The following ADGRL3 variants were observed in gnomAD, a reference collection of about 807,000 sequenced individuals.
ADGRL3 encodes adhesion G protein-coupled receptor L3.
A neutral mutation model predicts 153.5 loss-of-function variants in ADGRL3; 62 were observed. That is an observed-to-expected ratio of 0.40 (90% confidence interval 0.33 to 0.50). The LOEUF is 0.50. Among genes scored for constraint, ADGRL3 ranks in the 20% least tolerant of loss-of-function variants. The probability of loss-of-function intolerance (pLI) is 0.47; values close to 1 mark genes in which losing one functional copy is unlikely to be tolerated. For missense variants in ADGRL3, 1,641 were observed against 1,859.4 expected, an observed-to-expected ratio of 0.88 and a Z score of 2.16; for synonymous variants, 710 against 672.5, an observed-to-expected ratio of 1.06 and a Z score of -0.86.
At chr4:61,540,339 A>G (rs2148617756) in intron 4 of ADGRL3, among the ~76,000 whole-genome samples, 1 of 152,300 alleles carries the variant, frequency 6.6e-6, no homozygotes, top group South Asian at 2.1e-4. Context: ...ACTTGAGGTC[A>G]GGAGTTCAAC....
At chr4:61,309,356 A>G (rs1369848991) in intron 1 of ADGRL3, among the ~76,000 whole-genome samples, 1 of 152,136 alleles carries the variant, frequency 6.6e-6, no homozygotes, top group East Asian at 1.9e-4. Flanking sequence ...TCCCTCTATC[A>G]AGCCTCTACA....
chr4:61,350,592 T>A (rs1229514899), intron 1 of ADGRL3, among the ~76,000 whole-genome samples: 2 of 152,138 alleles, frequency 1.3e-5, no homozygotes, highest in Admixed American at 6.6e-5. Flanking sequence ...GTGCCATCTT[T>A]CCAGTGGCAT....
intron 2 of ADGRL3, among the ~76,000 whole-genome samples, chr4:61,383,519 G>A (rs1255743274): frequency 2.0e-5 from 3 of 151,566 alleles, no homozygotes; most frequent in Admixed American, 1.3e-4. Context: ...AGAAAGGCAC[G>A]TATGTTTTAT....
At chr4:61,461,830 A>G (rs2097823211) in intron 2 of ADGRL3, among the ~76,000 whole-genome samples, 1 of 152,176 alleles carries the variant, frequency 6.6e-6, no homozygotes, top group Admixed American at 6.5e-5. Flanking sequence ...CCAAGATTAC[A>G]GCCAGTTTCA....
At chr4:62,017,416 T>A (rs2151329015) in intron 21 of ADGRL3, among the ~76,000 whole-genome samples, 1 of 151,628 alleles carries the variant, frequency 6.6e-6, no homozygotes, top group East Asian at 1.9e-4. Flanking sequence ...AGTTCATAAA[T>A]AGTTTTTTTT....
intron 3 of ADGRL3, among the ~76,000 whole-genome samples, chr4:61,500,064 A>AGAGAGAGAGAGAGAGAGAG (rs58067932): frequency 6.8e-5 from 10 of 147,160 alleles, no homozygotes; most frequent in Non-Finnish European, 1.1e-4. Context: ...AGAGAGAGAG[A>AGAGAGAGAGAGAGAGAGAG]ATATCTCCAA....
intron 1 of ADGRL3, among the ~76,000 whole-genome samples, chr4:61,370,964 G>C (rs1445664947): frequency 1.3e-5 from 2 of 150,730 alleles, no homozygotes; most frequent in Non-Finnish European, 3.0e-5. Context: ...TTGTTGAATT[G>C]ATCCCTTTAC....
At chr4:61,497,033 A>AT in intron 2 of ADGRL3, 88 bp from the exon 3 acceptor site, 1 of 407,800 alleles carries the variant, frequency 2.5e-6, no homozygotes, top group Non-Finnish European at 4.3e-6. Context: ...GGATATTAAC[A>AT]TGATGGCAAT....
intron 8 of ADGRL3, among the ~76,000 whole-genome samples, chr4:61,750,011 T>A (rs2096731914): frequency 6.6e-6 from 1 of 152,086 alleles, no homozygotes; most frequent in Non-Finnish European, 1.5e-5. Context: ...ATTCTTTTTT[T>A]ATTCCTTTCT....
intron 9 of ADGRL3, among the ~76,000 whole-genome samples, chr4:61,872,072 G>A (rs1454810964): frequency 6.6e-6 from 1 of 152,086 alleles, no homozygotes; most frequent in Non-Finnish European, 1.5e-5. Context: ...TATAATTCTA[G>A]CTTCTAGAAA....
chr4:61,229,993 A>G (rs779491450), intron 1 of ADGRL3, among the ~76,000 whole-genome samples: 1 of 152,142 alleles, frequency 6.6e-6, no homozygotes, highest in African/African-American at 2.4e-5. Context: ...TTATTTCAGT[A>G]TCTGATTTTT....
intron 1 of ADGRL3, among the ~76,000 whole-genome samples, chr4:61,245,024 A>G (rs1003138448): frequency 6.6e-6 from 1 of 152,056 alleles, no homozygotes; most frequent in African/African-American, 2.4e-5. Context: ...TACTGGCATG[A>G]AGAACGGGGC....
chr4:61,232,948 C>A (rs965620519), intron 1 of ADGRL3, among the ~76,000 whole-genome samples: 1 of 152,140 alleles, frequency 6.6e-6, no homozygotes, highest in African/African-American at 2.4e-5. Context: ...AGTTTTCTTG[C>A]CTCCATGCCA....
intron 8 of ADGRL3, among the ~76,000 whole-genome samples, chr4:61,796,204 T>C (rs1368919903): frequency 6.6e-6 from 1 of 152,210 alleles, no homozygotes; most frequent in Non-Finnish European, 1.5e-5. Context: ...TGCTGTGATA[T>C]GCAAATGACG....
chr4:62,008,020 C>T (rs908586994), intron 21 of ADGRL3, among the ~76,000 whole-genome samples: 1 of 152,028 alleles, frequency 6.6e-6, no homozygotes, highest in Non-Finnish European at 1.5e-5. Context: ...TTAGACTTGA[C>T]CACTGAATTT....
chr4:61,873,035 A>G (rs2098454867), intron 9 of ADGRL3, among the ~76,000 whole-genome samples: 1 of 152,232 alleles, frequency 6.6e-6, no homozygotes, highest in African/African-American at 2.4e-5. Flanking sequence ...AGGAAGAGGA[A>G]GATAAAACTT....
At chr4:61,657,212 C>T (rs190402216) in intron 5 of ADGRL3, among the ~76,000 whole-genome samples, 1 of 152,178 alleles carries the variant, frequency 6.6e-6, no homozygotes, top group African/African-American at 2.4e-5. Context: ...ATAAGAGTGA[C>T]TTTCCCTTAA....
intron 3 of ADGRL3, among the ~76,000 whole-genome samples, chr4:61,509,448 A>AT (rs2098450873): frequency 6.6e-6 from 1 of 152,032 alleles, no homozygotes; most frequent in Non-Finnish European, 1.5e-5. Context: ...CTTAATGTCC[A>AT]TAAGTTTCAA....
At chr4:61,420,507 C>G (rs1201645146) in intron 2 of ADGRL3, 1 of 143,544 alleles carries the variant, frequency 7.0e-6, no homozygotes, top group Admixed American at 7.2e-5. Flanking sequence ...CCCGGGTTCA[C>G]GCCATTCTCC....
Sources: gnomAD v4.1 joint callset for allele counts (sites outside exome capture counted in the v4.1 genomes callset) on GRCh38, gnomAD v4.1.1 for gene constraint, MANE v1.5 for transcripts, NCBI Gene and HGNC (gene_info 2026-07-23, HGNC 2026-07-21) for gene names.